Variants in WWOX observed in about 807,000 individuals in gnomAD.
The protein encoded by WWOX is WW domain-containing oxidoreductase.
Under a neutral mutation model 46.2 loss-of-function variants are expected in WWOX, and 69 were observed. That is an observed-to-expected ratio of 1.49 (90% CI 1.23 to 1.82). WWOX has a LOEUF of 1.82. WWOX is among the 40% of genes most tolerant of loss of function. WWOX has a pLI of 0.00. For missense variants in WWOX, 919 were observed against 542.6 expected, an observed-to-expected ratio of 1.69 and a Z score of -6.89; for synonymous variants, 359 against 202.6, an observed-to-expected ratio of 1.77 and a Z score of -6.56.
intron 5 of WWOX, among the ~76,000 whole-genome samples, chr16:78,193,783 G>A (rs1218993109): frequency 6.6e-6 from 1 of 151,560 alleles, no homozygotes; most frequent in Non-Finnish European, 1.5e-5. Flanking sequence ...GGATGAGAGT[G>A]AAGACATATC....
At chr16:78,273,561 C>T (rs965022414) in intron 5 of WWOX, among the ~76,000 whole-genome samples, 5 of 152,086 alleles carry the variant, frequency 3.3e-5, no homozygotes, top group Non-Finnish European at 5.9e-5. Context: ...TTCAGAAGAC[C>T]GTTCTGGCAG....
At chr16:78,686,984 A>G (rs756379350) in intron 8 of WWOX, among the ~76,000 whole-genome samples, 1 of 152,208 alleles carries the variant, frequency 6.6e-6, no homozygotes, top group Non-Finnish European at 1.5e-5. Context: ...ATCACGATCT[A>G]TATCTCAGTT....
chr16:78,957,158 G>T (rs1204851011), intron 8 of WWOX, among the ~76,000 whole-genome samples: 1 of 152,184 alleles, frequency 6.6e-6, no homozygotes, highest in Non-Finnish European at 1.5e-5. Context: ...GTTGCAATCT[G>T]AGGTATCTGC....
At chr16:78,261,635 G>T (rs1469098920) in intron 5 of WWOX, among the ~76,000 whole-genome samples, 1 of 149,718 alleles carries the variant, frequency 6.7e-6, no homozygotes, top group East Asian at 1.9e-4. Flanking sequence ...TACGTGTTTG[G>T]GAATCAGGGA....
At chr16:78,980,033 C>A (rs9922292) in intron 8 of WWOX, among the ~76,000 whole-genome samples, 21,405 of 152,068 alleles carry the variant, frequency 0.14, 1,837 homozygotes, top group East Asian at 0.28. Flanking sequence ...GAAGCTGAGG[C>A]AGGAGAATCA....
At chr16:78,256,342 C>T (rs2038131334) in intron 5 of WWOX, among the ~76,000 whole-genome samples, 1 of 151,976 alleles carries the variant, frequency 6.6e-6, no homozygotes, top group African/African-American at 2.4e-5. Flanking sequence ...GGTTTCTAAA[C>T]CTACTGGCCT....
chr16:78,455,643 CAAAAAAA>C (rs57754374), intron 8 of WWOX, among the ~76,000 whole-genome samples: 61 of 60,526 alleles, frequency 1.0e-3, no homozygotes, highest in Middle Eastern at 0.017. Flanking sequence ...GACTCTGTCT[CAAAAAAA>C]AAAAAAAAAA....
intron 8 of WWOX, among the ~76,000 whole-genome samples, chr16:78,921,276 A>G (rs1248061081): frequency 6.6e-6 from 1 of 152,190 alleles, no homozygotes; most frequent in Non-Finnish European, 1.5e-5. Context: ...GCTACGTCAA[A>G]ATGCCGCATT....
At chr16:78,410,495 C>G (rs1016187132) in intron 6 of WWOX, among the ~76,000 whole-genome samples, 3 of 151,904 alleles carry the variant, frequency 2.0e-5, no homozygotes, top group Non-Finnish European at 4.4e-5. Context: ...GGCTCAGGGT[C>G]TTTCTTGGGC....
chr16:78,206,018 C>T (rs1240079493), intron 5 of WWOX, among the ~76,000 whole-genome samples: 1 of 151,224 alleles, frequency 6.6e-6, no homozygotes, highest in African/African-American at 2.4e-5. Flanking sequence ...TATTAACTTG[C>T]TGGTATTTTG....
rs190064502 is a variant in WWOX, at chr16:79,002,746, C to T, written c.1057-208862C>T. 3.3e-5 allele frequency among the ~76,000 whole-genome samples: 5 copies of T among 152,218 alleles called. No homozygotes were observed. In the East Asian group the frequency reaches 9.7e-4, roughly 29 times the overall value. On this transcript the variant is annotated intron_variant, in intron 8 of 8. Transcript: ENST00000566780. ...GTGAAAACTGACACTTAGTTTTCAC[C>T]CGGGTTCTCCCTGTCTATAAGGGGA...
intron 8 of WWOX, among the ~76,000 whole-genome samples, chr16:79,181,898 G>A (rs7191263): frequency 6.6e-6 from 1 of 152,072 alleles, no homozygotes; most frequent in Non-Finnish European, 1.5e-5. Flanking sequence ...TTCCCCACTG[G>A]GATAGAGCAT....
chr16:79,057,726 A>T (rs2048288955), intron 8 of WWOX, among the ~76,000 whole-genome samples: 1 of 152,202 alleles, frequency 6.6e-6, no homozygotes, highest in East Asian at 1.9e-4. Flanking sequence ...GGGAGCTCAG[A>T]ATAGGCAAGG....
intron 6 of WWOX, among the ~76,000 whole-genome samples, chr16:78,420,439 AAAG>A (rs1455465527): frequency 3.3e-5 from 5 of 152,192 alleles, no homozygotes; most frequent in African/African-American, 1.2e-4. Context: ...TGCCCATTAA[AAAG>A]AAATGGATTA....
intron 8 of WWOX, among the ~76,000 whole-genome samples, chr16:79,074,980 A>G (rs1020995761): frequency 6.6e-6 from 1 of 152,214 alleles, no homozygotes; most frequent in Admixed American, 6.5e-5. Flanking sequence ...AGCTCTCTCA[A>G]CTTCTACACA....
chr16:78,455,615 C>G (rs1381913894), intron 8 of WWOX, among the ~76,000 whole-genome samples: 2 of 110,220 alleles, frequency 1.8e-5, no homozygotes, highest in Admixed American at 9.9e-5. Context: ...TGCACTCCAG[C>G]CTGGGTTAAC....
At chr16:78,864,672 G>C (rs577609564) in intron 8 of WWOX, among the ~76,000 whole-genome samples, 1 of 150,326 alleles carries the variant, frequency 6.7e-6, no homozygotes, top group South Asian at 2.1e-4. Flanking sequence ...TTCCCTGTTA[G>C]CACAGGGTCT....
At position 78,971,667 on chromosome 16, in the gene WWOX, C is replaced by CT. The variant is rs35136729; in HGVS notation, c.1057-239934dup. 6.6e-5 allele frequency among the ~76,000 whole-genome samples: 10 copies of CT among 151,950 alleles called. 1 individual carries two copies. Among genetic ancestry groups the CT allele is most frequent in the Non-Finnish European group, 1.0e-4 (7 of 67,996 alleles). On this transcript the variant is annotated intron_variant, in intron 8 of 8. Coordinates refer to ENST00000566780, the MANE Select transcript of WWOX (RefSeq NM_016373.4). ...ATATCCCTTATATTCCTTAGGGTTCCTTTTTTTCAAGTTAAAGCATTGAGT... is the reference window on the plus strand; with the variant it reads ...ATATCCCTTATATTCCTTAGGGTTCCTTTTTTTTCAAGTTAAAGCATTGAGT...
chr16:78,947,353 C>A (rs574472752), intron 8 of WWOX, among the ~76,000 whole-genome samples: 4 of 150,614 alleles, frequency 2.7e-5, no homozygotes, highest in Admixed American at 2.6e-4. Flanking sequence ...AAGCCCCTAG[C>A]TGCATTTGTT....
Sources: allele counts gnomAD v4.1 joint callset (sites outside exome capture counted in the v4.1 genomes callset), GRCh38; gene constraint gnomAD v4.1.1; transcripts MANE v1.5; gene names NCBI Gene and HGNC (gene_info 2026-07-23, HGNC 2026-07-21).